The following GRIP1 variants were observed in gnomAD, a reference collection of about 807,000 sequenced individuals.
The protein encoded by GRIP1 is glutamate receptor-interacting protein 1.
GRIP1 carries 45 observed loss-of-function variants against 129.9 expected under a neutral mutation model. The observed-to-expected ratio is 0.35, with a 90% CI of 0.27 to 0.44. The LOEUF (loss-of-function observed/expected upper bound fraction) is 0.44. Among genes scored for constraint, GRIP1 ranks in the 20% least tolerant of loss-of-function variants. The probability of loss-of-function intolerance (pLI) is 1.00; values close to 1 mark genes in which losing one functional copy is unlikely to be tolerated. For synonymous variants in GRIP1, 530 were observed against 520.8 expected (o/e 1.02, Z -0.24); for missense variants, 1,196 against 1,396.8 (o/e 0.86, Z 2.29).
chr12:66,539,276 C>T (rs139964262), intron 3 of GRIP1, 53 bp from the exon 4 acceptor site: 11 of 1,611,264 alleles, frequency 6.8e-6, no homozygotes, highest in Middle Eastern at 1.7e-4. Flanking sequence ...ATAGGCCAGT[C>T]TGACTATATT....
At chr12:66,737,599 T>C (rs1337665836) in intron 1 of GRIP1, among the ~76,000 whole-genome samples, 1 of 152,142 alleles carries the variant, frequency 6.6e-6, no homozygotes, top group Admixed American at 6.6e-5. Context: ...TTACTCCTTA[T>C]CTCTCCAGCA....
At chr12:67,030,541 T>C (rs12312574) in intron 1 of GRIP1, among the ~76,000 whole-genome samples, 3,004 of 152,260 alleles carry the variant, frequency 0.02, 99 homozygotes, top group African/African-American at 0.069. Context: ...AAAGTATTGT[T>C]TTCTCTCTCT....
intron 23 of GRIP1, among the ~76,000 whole-genome samples, chr12:66,354,886 A>G (rs999746558): frequency 2.6e-5 from 4 of 152,136 alleles, no homozygotes; most frequent in Non-Finnish European, 5.9e-5. Context: ...CTGGGTCAAC[A>G]CTATTCACCA....
At chr12:67,029,254 C>T (rs184285292) in intron 1 of GRIP1, among the ~76,000 whole-genome samples, 52 of 152,190 alleles carry the variant, frequency 3.4e-4, no homozygotes, top group Non-Finnish European at 2.5e-4. Context: ...GCATGCCTAG[C>T]TAATTTTTTG....
chr12:66,685,022 A>C (rs1334282495), intron 1 of GRIP1, among the ~76,000 whole-genome samples: 2 of 152,046 alleles, frequency 1.3e-5, no homozygotes, highest in Non-Finnish European at 2.9e-5. Context: ...AGCTCACTAC[A>C]TCATCACCCT....
At chr12:66,793,148 C>A (rs889021921) in intron 1 of GRIP1, among the ~76,000 whole-genome samples, 11 of 152,162 alleles carry the variant, frequency 7.2e-5, no homozygotes, top group Non-Finnish European at 2.9e-5. Flanking sequence ...TTTATACCCA[C>A]ATTCACATTT....
At chr12:66,436,893 C>G (rs936670732) in intron 13 of GRIP1, among the ~76,000 whole-genome samples, 13 of 139,768 alleles carry the variant, frequency 9.3e-5, no homozygotes, top group African/African-American at 3.5e-4. Context: ...GGCTGAGGCA[C>G]AAGAATTGGT....
chr12:66,645,567 A>T (rs957566155), intron 1 of GRIP1, among the ~76,000 whole-genome samples: 2 of 152,210 alleles, frequency 1.3e-5, no homozygotes, highest in Non-Finnish European at 2.9e-5. Context: ...GAGCTTTGCC[A>T]CTCAAATCAA....
chr12:66,368,072 G>A (rs1055551168), intron 23 of GRIP1, among the ~76,000 whole-genome samples: 12 of 152,174 alleles, frequency 7.9e-5, no homozygotes, highest in African/African-American at 2.7e-4. Flanking sequence ...ATTCTGACCT[G>A]GGGACCTTCC....
At chr12:66,767,365 G>C (rs189964909) in intron 1 of GRIP1, among the ~76,000 whole-genome samples, 1 of 151,996 alleles carries the variant, frequency 6.6e-6, no homozygotes, top group Non-Finnish European at 1.5e-5. Context: ...AGGACAAGAG[G>C]CTTAGGAAAA....
intron 1 of GRIP1, among the ~76,000 whole-genome samples, chr12:67,012,378 G>A (rs1197880278): frequency 6.6e-6 from 1 of 152,096 alleles, no homozygotes; most frequent in Non-Finnish European, 1.5e-5. Context: ...TGGGATCCCT[G>A]GGTTATCTAA....
At chr12:66,889,713 T>C (rs1215348440) in intron 1 of GRIP1, among the ~76,000 whole-genome samples, 1 of 152,238 alleles carries the variant, frequency 6.6e-6, no homozygotes, top group Non-Finnish European at 1.5e-5. Context: ...TGCATAATTT[T>C]AAGGCTTAAA....
chr12:66,605,943 C>A (rs973228765), intron 1 of GRIP1, among the ~76,000 whole-genome samples: 2 of 152,200 alleles, frequency 1.3e-5, no homozygotes, highest in African/African-American at 2.4e-5. Context: ...ATATTTATAA[C>A]CTTGAGTAAC....
chr12:66,958,040 T>C (rs898562663), intron 1 of GRIP1, among the ~76,000 whole-genome samples: 3 of 152,212 alleles, frequency 2.0e-5, no homozygotes, highest in African/African-American at 7.2e-5. Flanking sequence ...GATTATAATA[T>C]AAAATTGTTT....
At chr12:66,415,980 C>T (rs1016655431) in intron 15 of GRIP1, among the ~76,000 whole-genome samples, 3 of 152,030 alleles carry the variant, frequency 2.0e-5, no homozygotes, top group African/African-American at 7.2e-5. Context: ...GGGCTTAATA[C>T]CTAGATGATA....
chr12:66,391,768 T>G (rs1464506448), intron 19 of GRIP1, among the ~76,000 whole-genome samples: 1 of 152,140 alleles, frequency 6.6e-6, no homozygotes, highest in Non-Finnish European at 1.5e-5. Context: ...GCAAGATCCC[T>G]TGAGTCCAGG....
At chr12:66,434,162 A>G (rs2058231430) in intron 13 of GRIP1, among the ~76,000 whole-genome samples, 1 of 152,216 alleles carries the variant, frequency 6.6e-6, no homozygotes, top group Non-Finnish European at 1.5e-5. Context: ...GGAGAGCACA[A>G]TAGAAATTTG....
At chr12:66,674,087 T>C (rs1159336864) in intron 1 of GRIP1, among the ~76,000 whole-genome samples, 1 of 152,098 alleles carries the variant, frequency 6.6e-6, no homozygotes, top group Non-Finnish European at 1.5e-5. Context: ...TGGCAGGATC[T>C]GACAGAGAAG....
At chr12:66,421,243 ATTTAAAGTTCTTT>A (rs1319932814) in intron 14 of GRIP1, among the ~76,000 whole-genome samples, 5 of 152,102 alleles carry the variant, frequency 3.3e-5, no homozygotes, top group Non-Finnish European at 1.5e-5. Context: ...AGAATTACTG[ATTTAAAGTTCTTT>A]TTTTTGGCCA....
Sources: gnomAD v4.1 joint callset for allele counts (sites outside exome capture counted in the v4.1 genomes callset) on GRCh38, gnomAD v4.1.1 for gene constraint, MANE v1.5 for transcripts, NCBI Gene and HGNC (gene_info 2026-07-23, HGNC 2026-07-21) for gene names.